WDR64: variants seen among roughly 807,000 people sequenced by gnomAD.
The protein encoded by WDR64 is WD repeat-containing protein 64.
WDR64 carries 112 observed loss-of-function variants against 139.3 expected under a neutral mutation model. The observed-to-expected ratio is 0.80, with a 90% CI of 0.69 to 0.94. The LOEUF (loss-of-function observed/expected upper bound fraction) is 0.94, where lower values mean the gene tolerates loss of function less well. Ranked by LOEUF, WDR64 falls within the 40% of genes least tolerant of loss-of-function variation. The pLI, the probability that WDR64 is intolerant of heterozygous loss-of-function variation, is 0.00. For synonymous variants in WDR64, 444 were observed against 437.7 expected (o/e 1.01, Z -0.18); for missense variants, 1,206 against 1,293.1 (o/e 0.93, Z 1.03).
At chr1:241,771,933 CATACATACATACATAT>C (rs1405266651) in intron 19 of WDR64, among the ~76,000 whole-genome samples, 27 of 73,520 alleles carry the variant, frequency 3.7e-4, no homozygotes, top group Admixed American at 9.2e-4. Context: ...CATACATATA[CATACATACATACATAT>C]ATATATATAT....
chr1:241,685,061 G>C (rs1379316005), intron 7 of WDR64, among the ~76,000 whole-genome samples: 4 of 151,808 alleles, frequency 2.6e-5, no homozygotes, highest in Non-Finnish European at 5.9e-5. Context: ...CTGGCCCACA[G>C]CATTATTTCT....
intron 15 of WDR64, among the ~76,000 whole-genome samples, chr1:241,758,848 A>C (rs544400523): frequency 1.2e-4 from 18 of 152,286 alleles, no homozygotes; most frequent in African/African-American, 4.1e-4. Flanking sequence ...AGTGGGAAAT[A>C]GTATTTTAAA....
At chr1:241,673,473 T>A (rs1666323844) in intron 3 of WDR64, among the ~76,000 whole-genome samples, 1 of 152,200 alleles carries the variant, frequency 6.6e-6, no homozygotes. Context: ...TTTCTGTTCC[T>A]AATTGCCTTC....
At chr1:241,662,236 A>G (rs1443746982) in intron 2 of WDR64, among the ~76,000 whole-genome samples, 3 of 152,180 alleles carry the variant, frequency 2.0e-5, no homozygotes, top group Non-Finnish European at 4.4e-5. Flanking sequence ...TGCATGGATC[A>G]GGAGTCTGGG....
In WDR64 at chr1:241,744,419, A is replaced by G. The variant is rs777193587; in HGVS notation, c.1497A>G (p.Gln499=). ...TATGGGAACTCGAGACTGGGCTCCA[A>G]GTATACCAGATTTTAGAACCTCATG... ...IRVWELETGL[Q]VYQILEPHGF... is the part of the protein sequence containing the mutation. Residue 499 remains glutamine (Q), a synonymous_variant, in exon 13 of 28, where the codon CAA becomes CAG. Transcript: ENST00000437684. The G allele has an allele frequency of 1.9e-6, 3 of 1,614,146 alleles. No homozygotes were observed. Among genetic ancestry groups the G allele is most frequent in the South Asian group, 1.1e-5 (1 of 91,082 alleles).
At chr1:241,736,415 TAA>T (rs59588872) in intron 10 of WDR64, among the ~76,000 whole-genome samples, 2,960 of 134,618 alleles carry the variant, frequency 0.022, 105 homozygotes, top group African/African-American at 0.08. Context: ...TGGAAGAGTT[TAA>T]AAAAAAAAAA....
chr1:241,770,501 C>T lies in WDR64; in HGVS notation c.2184-120C>T, dbSNP rs996217017. On this transcript the variant is annotated intron_variant, in intron 17 of 27. Transcript: ENST00000437684. Reference sequence around the variant, plus strand: ...AAGGCATGATTTGTTTCCTGAGTGGCTCAGTATCCACAGATGATGAAAGAA... The same window carrying T: ...AAGGCATGATTTGTTTCCTGAGTGGTTCAGTATCCACAGATGATGAAAGAA... 29 of 802,264 alleles carry T rather than the reference C, an allele frequency of 3.6e-5. No individual in the cohort carries two copies. In the Admixed American group the frequency reaches 7.4e-4, roughly 20 times the overall value. The allele number at this position is 802,264 out of a possible 1,614,324, so 49.7% of individuals were successfully genotyped here. A position where few individuals can be genotyped will look rare whatever the true frequency, so the allele number is the denominator to read the frequency against.
At position 241,741,611 on chromosome 1, in the gene WDR64, T is replaced by C. The variant is rs1409830178; in HGVS notation, c.1417T>C (p.Tyr473His). The C allele has an allele frequency of 4.3e-6, 7 of 1,613,294 alleles. No homozygotes were observed. The highest frequency in any genetic ancestry group is 5.9e-6 in the Non-Finnish European group (7 of 1,179,870). ...TGAACGAGAAATCAATGTCATGCTTTACAACAAATATTTTCATCAAGTACT... is the reference window on the plus strand; with the variant it reads ...TGAACGAGAAATCAATGTCATGCTTCACAACAAATATTTTCATCAAGTACT... ...THEREINVML[Y>H]NKYFHQVLTI... The change falls in exon 12 of 28, where the codon TAC becomes CAC. Residue 473 changes from tyrosine to histidine, a missense_variant. Physicochemically the swap from Tyr to His is moderately conservative, Grantham distance 83 (BLOSUM62 2). Transcript: ENST00000437684.
At chr1:241,729,267 C>T (rs1235986928) in intron 10 of WDR64, among the ~76,000 whole-genome samples, 1 of 152,154 alleles carries the variant, frequency 6.6e-6, no homozygotes, top group Non-Finnish European at 1.5e-5. Flanking sequence ...CCAAGGGGCT[C>T]CCAGTTGCAG....
chr1:241,713,341 G>A (rs11591125), intron 9 of WDR64, among the ~76,000 whole-genome samples: 409 of 70,708 alleles, frequency 5.8e-3, no homozygotes, highest in African/African-American at 9.6e-3. Flanking sequence ...GGAAGGAAGG[G>A]AGGGAGGGAG....
chr1:241,801,336 C>G lies in WDR64; in HGVS notation c.*121C>G. The G allele has an allele frequency of 1.2e-6, 1 of 823,954 alleles. No homozygotes were observed. The highest frequency in any genetic ancestry group is 1.9e-6 in the Non-Finnish European group (1 of 521,928). The allele number at this position is 823,954 out of a possible 1,614,324, so 51.0% of individuals were successfully genotyped here. A position where few individuals can be genotyped will look rare whatever the true frequency, so the allele number is the denominator to read the frequency against. ...ACTATCAGTCATCTCTGGTGTCAGGCCATCCTATTGATGGGAAAGATTGCT... is the reference window on the plus strand; with the variant it reads ...ACTATCAGTCATCTCTGGTGTCAGGGCATCCTATTGATGGGAAAGATTGCT... On this transcript the variant is annotated 3_prime_UTR_variant, in exon 28 of 28. Coordinates refer to ENST00000437684, the MANE Select transcript of WDR64 (RefSeq NM_001367482.1).
intron 12 of WDR64, among the ~76,000 whole-genome samples, chr1:241,743,177 C>A (rs1265887811): frequency 6.6e-6 from 1 of 152,156 alleles, no homozygotes; most frequent in African/African-American, 2.4e-5. Flanking sequence ...TGTGCAGTCA[C>A]CTCTTATGGG....
intron 14 of WDR64, among the ~76,000 whole-genome samples, chr1:241,752,910 C>T (rs1670033154): frequency 6.6e-6 from 1 of 152,168 alleles, no homozygotes; most frequent in Non-Finnish European, 1.5e-5. Context: ...CAGGTGGGCA[C>T]ATAAATCTAA....
At chr1:241,794,646 C>G (rs1354550648) in intron 25 of WDR64, among the ~76,000 whole-genome samples, 2 of 151,008 alleles carry the variant, frequency 1.3e-5, no homozygotes, top group African/African-American at 4.9e-5. Flanking sequence ...GTAGCTGGGA[C>G]TACAGGCACC....
At chr1:241,708,868 G>A (rs1303179105) in intron 8 of WDR64, among the ~76,000 whole-genome samples, 1 of 152,016 alleles carries the variant, frequency 6.6e-6, no homozygotes, top group Non-Finnish European at 1.5e-5. Context: ...TATCCAAAGT[G>A]ATTCTGATGC....
chr1:241,782,604 G>A (rs563662160), intron 22 of WDR64, among the ~76,000 whole-genome samples: 1 of 152,216 alleles, frequency 6.6e-6, no homozygotes, highest in African/African-American at 2.4e-5. Context: ...ATTCAGGAAG[G>A]TCTCCCGAGG....
intron 3 of WDR64, among the ~76,000 whole-genome samples, chr1:241,673,262 A>T (rs895690158): frequency 2.0e-5 from 3 of 152,072 alleles, no homozygotes; most frequent in African/African-American, 7.2e-5. Flanking sequence ...GCACACCAAC[A>T]TGGCACATGT....
chr1:241,674,569 A>G, intron 3 of WDR64, 75 bp from the exon 4 acceptor site: 2 of 988,220 alleles, frequency 2.0e-6, no homozygotes, highest in Non-Finnish European at 3.0e-6. Context: ...ATCATTTTTT[A>G]AAAAAACAAA....
At chr1:241,759,725 C>T (rs568454752) in intron 15 of WDR64, among the ~76,000 whole-genome samples, 32 of 152,072 alleles carry the variant, frequency 2.1e-4, no homozygotes, top group Middle Eastern at 3.4e-3. Context: ...GTAACATACA[C>T]GTAAAGTAAT....
Sources: allele counts gnomAD v4.1 joint callset (sites outside exome capture counted in the v4.1 genomes callset), GRCh38; gene constraint gnomAD v4.1.1; transcripts MANE v1.5; gene names NCBI Gene and HGNC (gene_info 2026-07-23, HGNC 2026-07-21).